Variants in GREB1L observed in about 807,000 individuals in gnomAD.
GREB1L encodes the protein GREB1-like protein.
Under a neutral mutation model 200.8 loss-of-function variants are expected in GREB1L, and 17 were observed. The observed-to-expected ratio is 0.08, with a 90% CI of 0.06 to 0.13. The LOEUF (loss-of-function observed/expected upper bound fraction) is 0.13. Among genes scored for constraint, GREB1L ranks in the 10% least tolerant of loss-of-function variants. The probability of loss-of-function intolerance (pLI) is 1.00; values close to 1 mark genes in which losing one functional copy is unlikely to be tolerated. For missense variants in GREB1L, 1,657 were observed against 2,367.7 expected (o/e 0.70, Z 6.23); for synonymous variants, 789 against 893.0 (o/e 0.88, Z 2.08).
chr18:21,486,684 T>C (rs1309600130), intron 18 of GREB1L, among the ~76,000 whole-genome samples: 4 of 151,614 alleles, frequency 2.6e-5, no homozygotes, highest in African/African-American at 9.7e-5. Flanking sequence ...TCTGAAAGAG[T>C]TTTTTTCCCT....
chr18:21,414,367 G>T (rs1400274333), intron 7 of GREB1L, among the ~76,000 whole-genome samples: 1 of 152,128 alleles, frequency 6.6e-6, no homozygotes, highest in African/African-American at 2.4e-5. Flanking sequence ...CGTGGGAGAA[G>T]TAAGACTTCA....
chr18:21,515,585 G>A lies in GREB1L; in HGVS notation c.5070G>A (p.Val1690=). 6.4e-7 allele frequency: 1 copy of A among 1,551,696 alleles called. No individual in the cohort carries two copies. Among genetic ancestry groups the A allele is most frequent in the Non-Finnish European group, 8.7e-7 (1 of 1,147,000 alleles). ...SLKAPFSRCH[V]HDFILLNTDL... is the part of the protein sequence containing the mutation. The stretch of plus-strand genomic sequence containing the variant: ...AGGCCCCATTCTCTAGGTGTCACGT[G>A]CATGATTTCATTCTCCTCAACACAG... Residue 1690 remains valine (V), a synonymous_variant, in exon 29 of 33, where the codon GTG becomes GTA. Coordinates refer to ENST00000424526, the MANE Select transcript of GREB1L (RefSeq NM_001142966.3).
chr18:21,486,555 A>T (rs1205433108), intron 18 of GREB1L, among the ~76,000 whole-genome samples: 1 of 152,106 alleles, frequency 6.6e-6, no homozygotes, highest in East Asian at 1.9e-4. Context: ...AATTGAGGTG[A>T]ATTCAGTTCT....
chr18:21,280,590 G>A (rs2144432873), intron 1 of GREB1L, among the ~76,000 whole-genome samples: 1 of 152,076 alleles, frequency 6.6e-6, no homozygotes, highest in African/African-American at 2.4e-5. Flanking sequence ...ATATCTACTT[G>A]TTATTGTTTA....
intron 2 of GREB1L, among the ~76,000 whole-genome samples, chr18:21,367,567 T>A (rs1381714540): frequency 6.6e-6 from 1 of 152,202 alleles, no homozygotes; most frequent in Non-Finnish European, 1.5e-5. Context: ...GGTATTATTA[T>A]TAAACCTTTA....
intron 1 of GREB1L, among the ~76,000 whole-genome samples, chr18:21,266,732 T>G (rs1190813936): frequency 6.6e-6 from 1 of 152,198 alleles, no homozygotes; most frequent in African/African-American, 2.4e-5. Flanking sequence ...TTTGAAAAAT[T>G]AAATGAACTT....
intron 7 of GREB1L, among the ~76,000 whole-genome samples, chr18:21,425,276 CTG>C (rs2144946504): frequency 6.6e-6 from 1 of 152,258 alleles, no homozygotes; most frequent in East Asian, 1.9e-4. Context: ...AATATACAAT[CTG>C]TGGATAAATG....
At chr18:21,388,010 A>T (rs1450891952) in intron 4 of GREB1L, among the ~76,000 whole-genome samples, 1 of 152,236 alleles carries the variant, frequency 6.6e-6, no homozygotes, top group Non-Finnish European at 1.5e-5. Context: ...TAGTAAATAG[A>T]TACATACTTT....
intron 1 of GREB1L, among the ~76,000 whole-genome samples, chr18:21,342,710 T>C (rs912025060): frequency 3.9e-5 from 6 of 152,178 alleles, no homozygotes; most frequent in Non-Finnish European, 7.3e-5. Context: ...CCACCCTGGC[T>C]GCTAATGAAG....
chr18:21,382,095 A>G (rs1042585179), intron 2 of GREB1L, among the ~76,000 whole-genome samples: 7 of 152,194 alleles, frequency 4.6e-5, no homozygotes, highest in African/African-American at 1.7e-4. Flanking sequence ...CTATAATCCC[A>G]GCACTTTGGG....
At chr18:21,274,319 G>C (rs1282477249) in intron 1 of GREB1L, among the ~76,000 whole-genome samples, 1 of 152,120 alleles carries the variant, frequency 6.6e-6, no homozygotes, top group Non-Finnish European at 1.5e-5. Flanking sequence ...TGGGGGTTAG[G>C]ATTTCAACAT....
At chr18:21,418,788 G>A (rs2031885087) in intron 7 of GREB1L, among the ~76,000 whole-genome samples, 1 of 152,156 alleles carries the variant, frequency 6.6e-6, no homozygotes, top group Non-Finnish European at 1.5e-5. Context: ...GCCTCCCAAA[G>A]TGCTGGGATT....
chr18:21,424,397 A>G (rs1310688904), intron 7 of GREB1L, among the ~76,000 whole-genome samples: 2 of 152,100 alleles, frequency 1.3e-5, no homozygotes, highest in Non-Finnish European at 2.9e-5. Context: ...GCAAAACCCC[A>G]TCTCTACTAA....
In GREB1L at chr18:21,353,448, AC is replaced by A. The variant is rs1285842683; in HGVS notation, c.-119-12578del. Among the ~76,000 whole-genome samples the A allele has an allele frequency of 2.0e-5, 3 of 152,000 alleles. No homozygotes were observed. The East Asian group carries it at 5.8e-4, about 29-fold the overall frequency. On this transcript the variant is annotated intron_variant, in intron 1 of 32. Transcript: ENST00000424526. ...TCAAGGGTGGGGGTACTAATGTTTT[AC>A]TTTATTATATATATAATAGACATTA...
At chr18:21,504,756 G>A (rs2036943541) in intron 23 of GREB1L, among the ~76,000 whole-genome samples, 1 of 152,186 alleles carries the variant, frequency 6.6e-6, no homozygotes, top group South Asian at 2.1e-4. Context: ...TTGATCCCAG[G>A]TGGTTGAGGC....
At chr18:21,494,085 C>T (rs1304702225) in intron 19 of GREB1L, among the ~76,000 whole-genome samples, 1 of 151,860 alleles carries the variant, frequency 6.6e-6, no homozygotes, top group African/African-American at 2.4e-5. Flanking sequence ...GAATGGTTTG[C>T]TTTAAATGAG....
chr18:21,370,805 G>T (rs770841508), intron 2 of GREB1L, among the ~76,000 whole-genome samples: 10 of 152,166 alleles, frequency 6.6e-5, no homozygotes, highest in Non-Finnish European at 1.3e-4. Flanking sequence ...ACTGCTGGGC[G>T]CAGTGGCTCA....
intron 1 of GREB1L, among the ~76,000 whole-genome samples, chr18:21,275,354 C>T (rs1215314330): frequency 2.6e-5 from 4 of 152,076 alleles, no homozygotes; most frequent in Non-Finnish European, 5.9e-5. Flanking sequence ...ATTTTTGTTA[C>T]AAGTATGTTA....
chr18:21,369,633 A>G (rs1055971027), intron 2 of GREB1L, among the ~76,000 whole-genome samples: 11 of 152,212 alleles, frequency 7.2e-5, no homozygotes, highest in African/African-American at 2.2e-4. Flanking sequence ...TATATATTGC[A>G]TATCTGTAAG....
Sources: gnomAD v4.1 joint callset for allele counts (sites outside exome capture counted in the v4.1 genomes callset) on GRCh38, gnomAD v4.1.1 for gene constraint, MANE v1.5 for transcripts, NCBI Gene and HGNC (gene_info 2026-07-23, HGNC 2026-07-21) for gene names.